The following IL1RAPL1 variants were observed in gnomAD, a reference collection of about 807,000 sequenced individuals.
IL1RAPL1 encodes interleukin-1 receptor accessory protein-like 1.
In IL1RAPL1, 3 loss-of-function variants were observed where a neutral mutation model predicts 48.4. The observed-to-expected ratio is 0.06, with a 90% CI of 0.03 to 0.16. The LOEUF (loss-of-function observed/expected upper bound fraction) is 0.16, where lower values mean the gene tolerates loss of function less well. Among genes scored for constraint, IL1RAPL1 ranks in the 10% least tolerant of loss-of-function variants. The probability of loss-of-function intolerance (pLI) is 1.00; values close to 1 mark genes in which losing one functional copy is unlikely to be tolerated. For missense variants in IL1RAPL1, 349 were observed against 530.6 expected, an observed-to-expected ratio of 0.66 and a Z score of 3.36; for synonymous variants, 185 against 187.7, an observed-to-expected ratio of 0.99 and a Z score of 0.12.
At chrX:29,685,935 A>C (rs1169643203) in intron 6 of IL1RAPL1, among the ~76,000 whole-genome samples, 1 of 110,087 alleles carries the variant, frequency 9.1e-6, no homozygotes, top group Non-Finnish European at 1.9e-5. Context: ...CAGTGAGCCA[A>C]GATCATGCCA....
chrX:29,256,655 T>C (rs1367145793), intron 2 of IL1RAPL1, among the ~76,000 whole-genome samples: 2 of 111,647 alleles, frequency 1.8e-5, no homozygotes, highest in Non-Finnish European at 3.8e-5. Context: ...GCTCATCACA[T>C]TTATCCAAGG....
In IL1RAPL1 at chrX:29,069,628, AACAC is replaced by A. The variant is rs56373899; in HGVS notation, c.83-213271_83-213268del. The stretch of plus-strand genomic sequence containing the variant: ...TGTTTCTTCAGATCTTTTCCTATAG[AACAC>A]ACACACACACACACACACACACACA... On this transcript the variant is annotated intron_variant, in intron 2 of 10. Coordinates refer to ENST00000378993, the MANE Select transcript of IL1RAPL1 (RefSeq NM_014271.4). Among the ~76,000 whole-genome samples, 479 of 83,706 alleles carry A rather than the reference AACAC, an allele frequency of 5.7e-3. 11 individuals are homozygous for A. The highest frequency in any genetic ancestry group is 0.018 in the Middle Eastern group (3 of 165). 72.7% of individuals were successfully genotyped at this position (83,706 alleles called of 115,157 possible).
chrX:29,325,719 A>G (rs148060594), intron 3 of IL1RAPL1, among the ~76,000 whole-genome samples: 1 of 112,071 alleles, frequency 8.9e-6, no homozygotes, highest in African/African-American at 3.2e-5. Flanking sequence ...CTGAGGCTGG[A>G]TAATTTATAA....
chrX:29,461,429 A>T (rs1395908444), intron 5 of IL1RAPL1, among the ~76,000 whole-genome samples: 1 of 111,840 alleles, frequency 8.9e-6, no homozygotes, highest in Non-Finnish European at 1.9e-5. Context: ...CTATAAATAC[A>T]CTATATACAT....
intron 1 of IL1RAPL1, among the ~76,000 whole-genome samples, chrX:28,737,004 A>T (rs1935833846): frequency 9.0e-6 from 1 of 110,680 alleles, no homozygotes; most frequent in Non-Finnish European, 1.9e-5. Flanking sequence ...GTGTTTGGAG[A>T]AACTGAGGAG....
intron 5 of IL1RAPL1, among the ~76,000 whole-genome samples, chrX:29,436,135 G>T (rs1421871072): frequency 9.1e-6 from 1 of 109,598 alleles, no homozygotes; most frequent in Non-Finnish European, 1.9e-5. Flanking sequence ...TGCTTCCCTG[G>T]AAGCAAGGCA....
At chrX:28,700,608 A>G (rs771701419) in intron 1 of IL1RAPL1, among the ~76,000 whole-genome samples, 8 of 109,036 alleles carry the variant, frequency 7.3e-5, no homozygotes, top group Admixed American at 2.0e-4. Context: ...ATAGGTATAC[A>G]TGTGCCATGG....
chrX:29,837,124 G>A lies in IL1RAPL1; in HGVS notation c.779-80340G>A, dbSNP rs1033517064. On this transcript the variant is annotated intron_variant, in intron 6 of 10. Transcript: ENST00000378993. ...AATACAAAAACAAAATTAGCCAGGC[G>A]TGGTGGCGGGCACCTGTAGTCCCAG... Among the ~76,000 whole-genome samples, 16 of 106,564 alleles carry A rather than the reference G, an allele frequency of 1.5e-4. No individual in the cohort carries two copies. In the East Asian group the frequency reaches 2.7e-3, roughly 18 times the overall value. 92.5% of individuals were successfully genotyped at this position (106,564 alleles called of 115,157 possible).
At chrX:29,784,074 C>T (rs1192119931) in intron 6 of IL1RAPL1, among the ~76,000 whole-genome samples, 1 of 111,922 alleles carries the variant, frequency 8.9e-6, no homozygotes, top group Non-Finnish European at 1.9e-5. Flanking sequence ...GGCTGAGGCC[C>T]TCTCGAATTA....
chrX:28,717,511 G>C (rs769771298), intron 1 of IL1RAPL1, among the ~76,000 whole-genome samples: 3 of 111,476 alleles, frequency 2.7e-5, no homozygotes, highest in Non-Finnish European at 5.7e-5. Flanking sequence ...TAGAGGGTGG[G>C]AGGAGGAAGA....
At chrX:29,688,083 TA>T (rs1381810347) in intron 6 of IL1RAPL1, among the ~76,000 whole-genome samples, 1 of 112,174 alleles carries the variant, frequency 8.9e-6, no homozygotes, top group African/African-American at 3.2e-5. Flanking sequence ...CAGAGCATAG[TA>T]AAAATTTAGC....
chrX:28,965,432 T>C (rs1440347676), intron 2 of IL1RAPL1, among the ~76,000 whole-genome samples: 1 of 111,459 alleles, frequency 9.0e-6, no homozygotes, highest in African/African-American at 3.3e-5. Flanking sequence ...AAAATGCTTT[T>C]TGCATAAAAT....
intron 2 of IL1RAPL1, among the ~76,000 whole-genome samples, chrX:28,816,755 C>A (rs1196451907): frequency 9.0e-6 from 1 of 110,737 alleles, no homozygotes; most frequent in Non-Finnish European, 1.9e-5. Flanking sequence ...GGGGTATATA[C>A]CCAGTAATGG....
At chrX:28,707,142 A>C (rs1460081333) in intron 1 of IL1RAPL1, among the ~76,000 whole-genome samples, 1 of 112,059 alleles carries the variant, frequency 8.9e-6, no homozygotes, top group Non-Finnish European at 1.9e-5. Flanking sequence ...AGTGTAAAGC[A>C]AAGGCTGTTT....
chrX:28,707,084 A>C (rs923629170), intron 1 of IL1RAPL1, among the ~76,000 whole-genome samples: 3 of 112,460 alleles, frequency 2.7e-5, no homozygotes, highest in African/African-American at 9.7e-5. Context: ...AACTACATGA[A>C]TATATAGTGT....
intron 2 of IL1RAPL1, among the ~76,000 whole-genome samples, chrX:29,021,737 T>C (rs761804125): frequency 2.6e-4 from 29 of 111,923 alleles, no homozygotes; most frequent in Non-Finnish European, 7.5e-5. Flanking sequence ...CGTCTATGCC[T>C]AAAAGCAGGG....
intron 2 of IL1RAPL1, among the ~76,000 whole-genome samples, chrX:29,065,804 A>G (rs1385332127): frequency 9.0e-6 from 1 of 111,695 alleles, no homozygotes; most frequent in Non-Finnish European, 1.9e-5. Flanking sequence ...CCTACTCTTG[A>G]GCCCTTCTAG....
intron 6 of IL1RAPL1, among the ~76,000 whole-genome samples, chrX:29,869,640 G>A (rs1328327373): frequency 9.0e-6 from 1 of 111,299 alleles, no homozygotes; most frequent in African/African-American, 3.3e-5. Flanking sequence ...TTGACTACAA[G>A]GAGGTGTAAA....
At chrX:29,656,090 T>G (rs1925670763) in intron 5 of IL1RAPL1, among the ~76,000 whole-genome samples, 2 of 112,691 alleles carry the variant, frequency 1.8e-5, no homozygotes, top group Non-Finnish European at 3.7e-5. Flanking sequence ...GCTACTTTGT[T>G]TTTAATCCTT....
Sources: allele counts gnomAD v4.1 joint callset (sites outside exome capture counted in the v4.1 genomes callset), GRCh38; gene constraint gnomAD v4.1.1; transcripts MANE v1.5; gene names NCBI Gene and HGNC (gene_info 2026-07-23, HGNC 2026-07-21).